Variants in PI4K2B observed in about 807,000 individuals in gnomAD.
PI4K2B encodes the protein phosphatidylinositol 4-kinase type 2 beta, also known as phosphatidylinositol 4-kinase type 2-beta.
PI4K2B carries 46 observed loss-of-function variants against 56.6 expected under a neutral mutation model. That is an observed-to-expected ratio of 0.81 (90% CI 0.64 to 1.04). The LOEUF is 1.04. Ranked by LOEUF, PI4K2B falls within the 50% of genes least tolerant of loss-of-function variation. The pLI, the probability that PI4K2B is intolerant of heterozygous loss-of-function variation, is 0.00. For missense variants in PI4K2B, 556 were observed against 607.7 expected, an observed-to-expected ratio of 0.91 and a Z score of 0.89; for synonymous variants, 211 against 223.8, an observed-to-expected ratio of 0.94 and a Z score of 0.51.
chr4:25,238,092 TAAG>T (rs1271765480), intron 1 of PI4K2B, among the ~76,000 whole-genome samples: 1 of 152,108 alleles, frequency 6.6e-6, no homozygotes. Context: ...GTGAACAGAA[TAAG>T]AAAATCATTT....
Position 25,277,105 on chromosome 4 carries a change from G to GA in PI4K2B, c.1366dup (p.Ser456LysfsTer44). 1 of 1,613,984 alleles carries GA rather than the reference G, an allele frequency of 6.2e-7. No homozygotes were observed. Among genetic ancestry groups the GA allele is most frequent in the Middle Eastern group, 1.6e-4 (1 of 6,062 alleles). ...GTGATTGTGGAACGCAGTCAAGGTG[G>GA]AAGTCAGGGTCGGATTGTCCACCTG... On this transcript the variant is annotated frameshift_variant, in exon 10 of 10. Coordinates refer to ENST00000264864, the MANE Select transcript of PI4K2B (RefSeq NM_018323.4). LOFTEE classifies it high-confidence loss of function.
chr4:25,276,271 C>T (rs1438714925), intron 9 of PI4K2B: 4 of 259,650 alleles, frequency 1.5e-5, no homozygotes, highest in East Asian at 1.8e-4. Flanking sequence ...TATTTGCATG[C>T]CCAAGTAGAA....
intron 7 of PI4K2B, among the ~76,000 whole-genome samples, chr4:25,264,517 T>A (rs1413766548): frequency 6.6e-6 from 1 of 151,944 alleles, no homozygotes; most frequent in Admixed American, 6.6e-5. Flanking sequence ...CAAAAAAAAA[T>A]TGGTAATGAT....
At chr4:25,254,087 A>G (rs1716166035) in intron 2 of PI4K2B, among the ~76,000 whole-genome samples, 1 of 152,188 alleles carries the variant, frequency 6.6e-6, no homozygotes, top group African/African-American at 2.4e-5. Flanking sequence ...TGGTTCCTGA[A>G]AAAATAGCTG....
At chr4:25,239,477 G>A (rs1193694819) in intron 1 of PI4K2B, among the ~76,000 whole-genome samples, 1 of 59,588 alleles carries the variant, frequency 1.7e-5, no homozygotes, top group Non-Finnish European at 7.3e-5. Flanking sequence ...TGGCCTAGGT[G>A]CTAAGCCCTT....
intron 1 of PI4K2B, among the ~76,000 whole-genome samples, chr4:25,240,646 C>T (rs1715476944): frequency 6.6e-6 from 1 of 152,178 alleles, no homozygotes; most frequent in Non-Finnish European, 1.5e-5. Context: ...CGATGTTCCA[C>T]ATAACAAGAA....
At chr4:25,249,238 ATCTC>A (rs1275553673) in intron 1 of PI4K2B, among the ~76,000 whole-genome samples, 1 of 152,120 alleles carries the variant, frequency 6.6e-6, no homozygotes, top group Non-Finnish European at 1.5e-5. Context: ...TAACAATCTG[ATCTC>A]TCTTTCTTTT....
chr4:25,275,960 A>C (rs1399455831), intron 9 of PI4K2B, among the ~76,000 whole-genome samples: 3 of 152,180 alleles, frequency 2.0e-5, no homozygotes, highest in African/African-American at 7.2e-5. Context: ...TCAATCAATC[A>C]ATCAATCAAC....
chr4:25,234,231 A>T lies in PI4K2B; in HGVS notation c.68A>T (p.Asp23Val). 7.0e-7 allele frequency: 1 copy of T among 1,427,698 alleles called. No individual in the cohort carries two copies. The highest frequency in any genetic ancestry group is 1.5e-5 in the African/African-American group (1 of 67,704). 88.4% of individuals were successfully genotyped at this position (1,427,698 alleles called of 1,614,324 possible). The change falls in exon 1 of 10, where the codon GAT (aspartate) becomes GTT (valine). Residue 23 changes from aspartate to valine, a missense_variant. Physicochemically the swap from Asp to Val is radical, Grantham distance 152. Transcript: ENST00000264864. ...GGCGGGAGCCCGGAGGAGGAGGAGGATGGGGAGCGGGAGCCGCTGCTACCG... is the reference window on the plus strand; with the variant it reads ...GGCGGGAGCCCGGAGGAGGAGGAGGTTGGGGAGCGGGAGCCGCTGCTACCG... ...ADGGSPEEEE[D>V]GEREPLLPRI...
chr4:25,240,430 G>A (rs1357994688), intron 1 of PI4K2B, among the ~76,000 whole-genome samples: 1 of 152,184 alleles, frequency 6.6e-6, no homozygotes, highest in East Asian at 1.9e-4. Context: ...GAATAATGAA[G>A]TAGATAAACT....
chr4:25,257,363 A>G (rs191611576), intron 4 of PI4K2B, among the ~76,000 whole-genome samples: 4 of 152,240 alleles, frequency 2.6e-5, no homozygotes, highest in Admixed American at 2.6e-4. Context: ...TGCCTGGCCA[A>G]GTTCCTTACT....
At chr4:25,264,514 A>AG in intron 7 of PI4K2B, among the ~76,000 whole-genome samples, 1 of 152,192 alleles carries the variant, frequency 6.6e-6, no homozygotes, top group East Asian at 1.9e-4. Context: ...TTGCAAAAAA[A>AG]AATTGGTAAT....
chr4:25,262,636 T>C (rs1022006286), intron 6 of PI4K2B, among the ~76,000 whole-genome samples: 1 of 152,214 alleles, frequency 6.6e-6, no homozygotes, highest in South Asian at 2.1e-4. Flanking sequence ...TTTTTTTTCT[T>C]TAAAAAACAC....
chr4:25,247,044 A>C (rs114268116), intron 1 of PI4K2B, among the ~76,000 whole-genome samples: 2,611 of 152,336 alleles, frequency 0.017, 75 homozygotes, highest in African/African-American at 0.059. Context: ...GGCCTTCGCC[A>C]GCCCAGAAAG....
chr4:25,263,746 A>G lies in PI4K2B; in HGVS notation c.979-4A>G, dbSNP rs201550246. The G allele has an allele frequency of 3.0e-5, 34 of 1,128,282 alleles. No individual in the cohort carries two copies. The East Asian group carries it at 5.4e-4, about 18-fold the overall frequency. The allele number at this position is 1,128,282 out of a possible 1,614,324, so 69.9% of individuals were successfully genotyped here. ...TATCAACATATCATTTTTCTACTCT[A>G]TAGGAATCAAAATGGATTGATGATG... On this transcript the variant is annotated splice_region_variant and splice_polypyrimidine_tract_variant and intron_variant, in intron 6 of 9. Coordinates refer to ENST00000264864, the MANE Select transcript of PI4K2B (RefSeq NM_018323.4).
At position 25,247,711 on chromosome 4, in the gene PI4K2B, C is replaced by CTT. The variant is rs111513370; in HGVS notation, c.269-4600_269-4599dup. Among the ~76,000 whole-genome samples, 176 of 147,020 alleles carry CTT rather than the reference C, an allele frequency of 1.2e-3. 2 individuals are homozygous for CTT. The South Asian group carries it at 0.022, about 18-fold the overall frequency. Reference sequence around the variant, plus strand: ...CCAAATTTGTGAACACCTCAAGTTTCTTTTTTTTTTTGAGACAGGGTCTTA... The same window carrying CTT: ...CCAAATTTGTGAACACCTCAAGTTTCTTTTTTTTTTTTTGAGACAGGGTCTTA... On this transcript the variant is annotated intron_variant, in intron 1 of 9. Transcript: ENST00000264864.
intron 1 of PI4K2B, among the ~76,000 whole-genome samples, chr4:25,251,211 T>G (rs1226647588): frequency 2.0e-5 from 3 of 152,104 alleles, no homozygotes; most frequent in Non-Finnish European, 4.4e-5. Flanking sequence ...AAGTAGTTGG[T>G]AATAAATGCA....
chr4:25,268,887 A>T (rs1241044998), intron 8 of PI4K2B, among the ~76,000 whole-genome samples: 3 of 152,184 alleles, frequency 2.0e-5, no homozygotes, highest in African/African-American at 7.2e-5. Flanking sequence ...TAGTTCTCTT[A>T]AAAAGCCTAA....
intron 1 of PI4K2B, among the ~76,000 whole-genome samples, chr4:25,237,522 A>G (rs1715317862): frequency 1.3e-5 from 2 of 152,114 alleles, no homozygotes; most frequent in Admixed American, 1.3e-4. Context: ...TTACAGGCAC[A>G]TGCCTGGCTA....
Sources: gnomAD v4.1 joint callset for allele counts (sites outside exome capture counted in the v4.1 genomes callset) on GRCh38, gnomAD v4.1.1 for gene constraint, MANE v1.5 for transcripts, NCBI Gene and HGNC (gene_info 2026-07-23, HGNC 2026-07-21) for gene names.